Variants in PRTFDC1 observed in about 807,000 individuals in gnomAD.
PRTFDC1 encodes the protein phosphoribosyltransferase domain-containing protein 1.
Under a neutral mutation model 34.6 loss-of-function variants are expected in PRTFDC1, and 38 were observed. That is an observed-to-expected ratio of 1.10 (90% CI 0.85 to 1.44). PRTFDC1 has a LOEUF of 1.44. Ranked by LOEUF, PRTFDC1 falls within the 40% of genes most tolerant of loss-of-function variation. PRTFDC1 has a pLI of 0.00. For synonymous variants in PRTFDC1, 93 were observed against 98.1 expected (o/e 0.95, Z 0.31); for missense variants, 270 against 283.0 (o/e 0.95, Z 0.33).
chr10:24,951,972 G>C (rs1299049335), intron 1 of PRTFDC1, among the ~76,000 whole-genome samples: 6 of 152,192 alleles, frequency 3.9e-5, no homozygotes, highest in Non-Finnish European at 8.8e-5. Flanking sequence ...AGCCGCCAGC[G>C]TGTCCTAGAG....
Position 24,874,123 on chromosome 10 carries a change from G to A in PRTFDC1, c.340-2060C>T, listed in dbSNP as rs149943933. The stretch of plus-strand genomic sequence containing the variant: ...AAAGCATTCACTCCTTACCATGGAT[G>A]GTTGGAGGGGGCACAGGCAGACAAG... On this transcript the variant is annotated intron_variant, in intron 3 of 8. Transcript: ENST00000320152. Among the ~76,000 whole-genome samples the A allele has an allele frequency of 7.6e-3, 1,160 of 151,870 alleles. 12 individuals carry two copies. Among genetic ancestry groups the A allele is most frequent in the African/African-American group, 0.027 (1,122 of 41,398 alleles).
chr10:24,901,532 C>G (rs768429828), intron 3 of PRTFDC1, among the ~76,000 whole-genome samples: 3 of 152,016 alleles, frequency 2.0e-5, no homozygotes, highest in Non-Finnish European at 4.4e-5. Context: ...TGAAACCAGC[C>G]TGGGCAACAT....
chr10:24,876,290 T>C (rs1056618739), intron 3 of PRTFDC1, among the ~76,000 whole-genome samples: 6 of 152,136 alleles, frequency 3.9e-5, no homozygotes, highest in Non-Finnish European at 5.9e-5. Context: ...TTTTTTTTCC[T>C]GTCTGGTAGA....
At chr10:24,951,587 C>A (rs1045184418) in intron 1 of PRTFDC1, 3 of 985,310 alleles carry the variant, frequency 3.0e-6, no homozygotes, top group Non-Finnish European at 3.6e-6. Flanking sequence ...AACAGATTAT[C>A]TGTGAATGAC....
chr10:24,934,622 G>C (rs1273605152), intron 3 of PRTFDC1, among the ~76,000 whole-genome samples: 1 of 152,106 alleles, frequency 6.6e-6, no homozygotes, highest in East Asian at 1.9e-4. Context: ...AATAACCCTT[G>C]CAACCAATTG....
chr10:24,881,049 T>C (rs143423071), intron 3 of PRTFDC1, among the ~76,000 whole-genome samples: 62 of 148,370 alleles, frequency 4.2e-4, no homozygotes, highest in African/African-American at 1.4e-3. Context: ...CTTTCTTTCT[T>C]TCTTTTCTTT....
chr10:24,910,565 A>C (rs1848610626), intron 3 of PRTFDC1, among the ~76,000 whole-genome samples: 1 of 152,226 alleles, frequency 6.6e-6, no homozygotes, highest in African/African-American at 2.4e-5. Context: ...TATAAGAGCA[A>C]GCATTCTTCT....
At chr10:24,942,246 G>A (rs1588626136) in intron 2 of PRTFDC1, 84 bp downstream of exon 2, 1 of 1,104,390 alleles carries the variant, frequency 9.1e-7, no homozygotes, top group South Asian at 1.3e-5. Context: ...CTCAGGAATA[G>A]GGTCCTAAAG....
intron 5 of PRTFDC1, 42 bp from the exon 6 acceptor site, chr10:24,857,037 G>A (rs372160038): frequency 1.8e-5 from 27 of 1,497,666 alleles, no homozygotes; most frequent in South Asian, 6.8e-5. Context: ...ATGCATTTGA[G>A]CAGCACAATA....
intron 3 of PRTFDC1, among the ~76,000 whole-genome samples, chr10:24,901,169 CT>C (rs1161187959): frequency 9.8e-5 from 15 of 152,322 alleles, no homozygotes; most frequent in East Asian, 3.9e-4. Context: ...TATAATTCCT[CT>C]GTTTCTCACA....
At chr10:24,942,492 C>T (rs1849178451) in intron 1 of PRTFDC1, 56 bp from the exon 2 acceptor site, 3 of 1,392,810 alleles carry the variant, frequency 2.2e-6, no homozygotes, top group African/African-American at 1.4e-5. Flanking sequence ...TTGTTTAAAA[C>T]ATAACAAAAG....
Position 24,952,281 on chromosome 10 carries a change from G to C in PRTFDC1, c.48+247C>G, listed in dbSNP as rs987160045. ...CGCCGGCGGGACGCTGCAGGAGCGA[G>C]CTACCGGCCGGAGGACACGGGGGGA... On this transcript the variant is annotated intron_variant, in intron 1 of 8. Transcript: ENST00000320152. This position sits in a 1 kb window ranked among gnomAD's most constrained non-coding sequence, Gnocchi z 5.1. Among the ~76,000 whole-genome samples, 4 of 152,052 alleles carry C rather than the reference G, an allele frequency of 2.6e-5. No individual in the cohort carries two copies. Among genetic ancestry groups the C allele is most frequent in the Non-Finnish European group, 5.9e-5 (4 of 68,002 alleles).
intron 1 of PRTFDC1, among the ~76,000 whole-genome samples, chr10:24,945,817 G>A (rs751737031): frequency 1.4e-4 from 21 of 152,258 alleles, no homozygotes; most frequent in African/African-American, 2.2e-4. Context: ...CAAACTGGCC[G>A]GTGGGACTGC....
At chr10:24,926,390 T>C (rs79506922) in intron 3 of PRTFDC1, among the ~76,000 whole-genome samples, 3,768 of 152,306 alleles carry the variant, frequency 0.025, 149 homozygotes, top group East Asian at 0.087. Flanking sequence ...TCATCCATCT[T>C]TTTTTGAGAC....
intron 3 of PRTFDC1, among the ~76,000 whole-genome samples, chr10:24,889,137 T>C (rs563116462): frequency 2.0e-4 from 30 of 152,238 alleles, no homozygotes; most frequent in African/African-American, 7.0e-4. Context: ...TGAATTAGGA[T>C]TAGTGCCTTT....
intron 3 of PRTFDC1, chr10:24,908,287 A>G: frequency 1.7e-6 from 1 of 586,568 alleles, no homozygotes; most frequent in Non-Finnish European, 2.8e-6. Flanking sequence ...ATAAAGAACT[A>G]GAAGACTACC....
chr10:24,851,674 C>CA (rs1248944466), intron 7 of PRTFDC1, among the ~76,000 whole-genome samples: 1 of 151,764 alleles, frequency 6.6e-6, no homozygotes, highest in African/African-American at 2.4e-5. Flanking sequence ...GCAAACAAGC[C>CA]AACCTACAAT....
intron 3 of PRTFDC1, among the ~76,000 whole-genome samples, chr10:24,880,414 ATTT>A (rs1848047420): frequency 1.3e-5 from 2 of 151,708 alleles, no homozygotes; most frequent in Admixed American, 6.6e-5. Context: ...GCCCAGCTAA[ATTT>A]TTTGTTGTTG....
chr10:24,919,046 G>A (rs907517309), intron 3 of PRTFDC1, among the ~76,000 whole-genome samples: 3 of 152,096 alleles, frequency 2.0e-5, no homozygotes, highest in African/African-American at 7.2e-5. Flanking sequence ...TACTTATCAG[G>A]TTGTGGTGGG....
Sources: gnomAD v4.1 joint callset for allele counts (sites outside exome capture counted in the v4.1 genomes callset) on GRCh38, gnomAD v4.1.1 for gene constraint, Gnocchi (gnomAD v3.1) non-coding constraint, MANE v1.5 for transcripts, NCBI Gene and HGNC (gene_info 2026-07-23, HGNC 2026-07-21) for gene names.